The following ATP2C1 variants were observed in gnomAD, a reference collection of about 807,000 sequenced individuals.
The protein encoded by ATP2C1 is calcium-transporting ATPase type 2C member 1.
ATP2C1 carries 31 observed loss-of-function variants against 120.5 expected under a neutral mutation model. The observed-to-expected ratio is 0.26, with a 90% CI of 0.19 to 0.35. ATP2C1 has a LOEUF of 0.35. ATP2C1 is among the 10% of genes least tolerant of loss of function. The pLI, the probability that ATP2C1 is intolerant of heterozygous loss-of-function variation, is 1.00. For synonymous variants in ATP2C1, 351 were observed against 358.7 expected, an observed-to-expected ratio of 0.98 and a Z score of 0.24; for missense variants, 731 against 1,107.5, an observed-to-expected ratio of 0.66 and a Z score of 4.83.
At chr3:130,969,948 G>A (rs894298481) in intron 17 of ATP2C1, among the ~76,000 whole-genome samples, 6 of 152,152 alleles carry the variant, frequency 3.9e-5, no homozygotes, top group African/African-American at 1.4e-4. Flanking sequence ...TAAGAGTTCT[G>A]AATTATCTAC....
chr3:130,978,089 T>C (rs1348631509), intron 18 of ATP2C1, among the ~76,000 whole-genome samples: 1 of 152,132 alleles, frequency 6.6e-6, no homozygotes, highest in Non-Finnish European at 1.5e-5. Context: ...GATCTTTCCG[T>C]CTTAGGATTT....
intron 1 of ATP2C1, among the ~76,000 whole-genome samples, chr3:130,852,704 T>A (rs557231025): frequency 6.6e-6 from 1 of 152,356 alleles, no homozygotes; most frequent in South Asian, 2.1e-4. Flanking sequence ...ATAACTAACC[T>A]TGAAAGCTTG....
At chr3:130,859,060 A>G (rs2067934263) in intron 1 of ATP2C1, among the ~76,000 whole-genome samples, 1 of 152,236 alleles carries the variant, frequency 6.6e-6, no homozygotes, top group Non-Finnish European at 1.5e-5. Flanking sequence ...TCTGCATCAT[A>G]AAAGAGAAGA....
intron 2 of ATP2C1, among the ~76,000 whole-genome samples, chr3:130,926,940 T>C (rs1312615150): frequency 6.6e-6 from 1 of 152,208 alleles, no homozygotes; most frequent in East Asian, 1.9e-4. Flanking sequence ...AGAAAACAGC[T>C]ATATAAACAC....
rs1012190014 is a variant in ATP2C1, at chr3:130,980,455, A to G, written c.1742-127A>G. On this transcript the variant is annotated intron_variant, in intron 19 of 27. Coordinates refer to ENST00000510168, the MANE Select transcript of ATP2C1 (RefSeq NM_001378687.1). ...CTCCAGACTTAATACTGATTCAGAT[A>G]GGTTTGTATTACTGGTAGGTAACAA... is the stretch of plus-strand genomic sequence containing the variant. 5.7e-6 allele frequency: 4 copies of G among 697,100 alleles called. No homozygotes were observed. In the African/African-American group the frequency reaches 7.1e-5, roughly 12 times the overall value. The allele number at this position is 697,100 out of a possible 1,614,324, so 43.2% of individuals were successfully genotyped here. A position where few individuals can be genotyped will look rare whatever the true frequency, so the allele number is the denominator to read the frequency against.
intron 7 of ATP2C1, among the ~76,000 whole-genome samples, chr3:130,940,963 G>A (rs1374485697): frequency 7.4e-6 from 1 of 135,434 alleles, no homozygotes; most frequent in African/African-American, 2.9e-5. Context: ...CACCCAGGCT[G>A]GAGTGCAGTG....
intron 2 of ATP2C1, among the ~76,000 whole-genome samples, chr3:130,921,388 G>A (rs1442475858): frequency 6.6e-6 from 1 of 151,866 alleles, no homozygotes; most frequent in Non-Finnish European, 1.5e-5. Flanking sequence ...GGCCCAAAAG[G>A]GACAATTTTA....
intron 1 of ATP2C1, among the ~76,000 whole-genome samples, chr3:130,873,066 T>C (rs2068487023): frequency 6.6e-6 from 1 of 152,188 alleles, no homozygotes; most frequent in Non-Finnish European, 1.5e-5. Flanking sequence ...ATCTTGAGTG[T>C]CATCAAATTA....
Position 130,956,193 on chromosome 3 carries a change from G to T in ATP2C1, c.832+14G>T. 1 of 1,506,392 alleles carries T rather than the reference G, an allele frequency of 6.6e-7. No homozygotes were observed. Among genetic ancestry groups the T allele is most frequent in the South Asian group, 1.1e-5 (1 of 88,692 alleles). 93.3% of individuals were successfully genotyped at this position (1,506,392 alleles called of 1,614,324 possible). On this transcript the variant is annotated intron_variant, in intron 11 of 27. Transcript: ENST00000510168. Reference sequence around the variant, plus strand: ...TTGGTATAATAGGTAAGAGAAGAGTGAGTATGTATATATTTTTATTTGAGT... The same window carrying T: ...TTGGTATAATAGGTAAGAGAAGAGTTAGTATGTATATATTTTTATTTGAGT...
chr3:130,900,443 A>G (rs1252428691), intron 2 of ATP2C1, among the ~76,000 whole-genome samples: 3 of 152,130 alleles, frequency 2.0e-5, no homozygotes, highest in Non-Finnish European at 4.4e-5. Flanking sequence ...TTATTTATTT[A>G]CTTACTTAAA....
chr3:130,948,309 A>C (rs1247366548), intron 8 of ATP2C1, among the ~76,000 whole-genome samples: 2 of 152,224 alleles, frequency 1.3e-5, no homozygotes, highest in East Asian at 3.9e-4. Context: ...TCATTTTTAA[A>C]AGATAATGTT....
chr3:130,940,905 A>AATT (rs1553764018), intron 7 of ATP2C1, among the ~76,000 whole-genome samples: 46 of 86,108 alleles, frequency 5.3e-4, no homozygotes, highest in African/African-American at 2.0e-3. Context: ...TATTTAACAG[A>AATT]TTTTTTTTTT....
intron 12 of ATP2C1, 166 bp from the exon 13 acceptor site, chr3:130,963,805 A>G: frequency 1.3e-6 from 1 of 747,618 alleles, no homozygotes; most frequent in Non-Finnish European, 2.2e-6. Flanking sequence ...GGCAGCTACT[A>G]GGTATCCAGT....
Position 130,999,602 on chromosome 3 carries a change from G to C in ATP2C1, c.2572G>C (p.Val858Leu). 6.2e-7 allele frequency: 1 copy of C among 1,613,488 alleles called. No homozygotes were observed. ...TGGATCCATCATGGGACAATTACTA[G>C]TTATTTACTTTCCTCCGCTTCAGAA... is the stretch of plus-strand genomic sequence containing the variant. Reference protein sequence around the residue: ...VLGSIMGQLLVIYFPPLQKVF... With the variant: ...VLGSIMGQLLLIYFPPLQKVF... The change falls in exon 27 of 28, where the codon GTT becomes CTT. Residue 858 changes from valine (V) to leucine (L), a missense_variant. Physicochemically the swap from Val to Leu is conservative, Grantham distance 32 (BLOSUM62 1). Coordinates refer to ENST00000510168, the MANE Select transcript of ATP2C1 (RefSeq NM_001378687.1).
At chr3:131,016,518 G>A in exon 27 of ATP2C1, 1 of 707,274 alleles carries the variant, frequency 1.4e-6, no homozygotes, top group South Asian at 2.0e-5. Context: ...ATACTGAACT[G>A]TCTTTTTAAT....
rs182278919 is a variant in ATP2C1 at position 130,920,814 on chromosome 3, G to T, written c.7-9602G>T. Among the ~76,000 whole-genome samples, 468 of 152,218 alleles carry T rather than the reference G, an allele frequency of 3.1e-3. 3 individuals carry two copies. The highest frequency in any genetic ancestry group is 0.011 in the African/African-American group (445 of 41,546). ...AAGTCTTAACAAAACGTGAGCATAG[G>T]TGTTTCTGTTTTTTTGTGTGTCTTG... On this transcript the variant is annotated intron_variant, in intron 2 of 27. Transcript: ENST00000510168.
intron 20 of ATP2C1, among the ~76,000 whole-genome samples, 185 bp downstream of exon 20, chr3:130,980,864 TATG>T (rs1311999436): frequency 6.6e-6 from 1 of 152,218 alleles, no homozygotes; most frequent in African/African-American, 2.4e-5. Context: ...TTATTTATGA[TATG>T]ATGTTTATGA....
intron 12 of ATP2C1, among the ~76,000 whole-genome samples, chr3:130,960,349 T>C (rs2108602198): frequency 6.6e-6 from 1 of 152,276 alleles, no homozygotes; most frequent in Non-Finnish European, 1.5e-5. Context: ...GGAGATAAGG[T>C]CAACCTTGTG....
chr3:130,925,326 G>C (rs749185127), intron 2 of ATP2C1, among the ~76,000 whole-genome samples: 7 of 152,182 alleles, frequency 4.6e-5, no homozygotes, highest in Non-Finnish European at 8.8e-5. Flanking sequence ...GTGCCAAACT[G>C]TAGTGATTGT....
Sources: allele counts gnomAD v4.1 joint callset (sites outside exome capture counted in the v4.1 genomes callset), GRCh38; gene constraint gnomAD v4.1.1; transcripts MANE v1.5; gene names NCBI Gene and HGNC (gene_info 2026-07-23, HGNC 2026-07-21).